Variants in PIK3R1 observed in about 807,000 individuals in gnomAD.
PIK3R1 encodes phosphoinositide-3-kinase regulatory subunit 1.
In PIK3R1, 29 loss-of-function variants were observed where a neutral mutation model predicts 98.0. That is an observed-to-expected ratio of 0.30 (90% CI 0.22 to 0.40). PIK3R1 has a LOEUF of 0.40. PIK3R1 is among the 10% of genes least tolerant of loss of function. The pLI is 1.00. For synonymous variants in PIK3R1, 282 were observed against 311.8 expected, an observed-to-expected ratio of 0.90 and a Z score of 1.01; for missense variants, 596 against 872.7, an observed-to-expected ratio of 0.68 and a Z score of 3.99.
intron 2 of PIK3R1, among the ~76,000 whole-genome samples, chr5:68,263,203 C>T (rs914328132): frequency 2.4e-5 from 3 of 125,884 alleles, no homozygotes; most frequent in South Asian, 4.9e-4. Context: ...ACATATATAT[C>T]TATATATATA....
intron 1 of PIK3R1, among the ~76,000 whole-genome samples, chr5:68,216,277 C>T (rs1313246058): frequency 6.6e-6 from 1 of 152,206 alleles, no homozygotes; most frequent in Non-Finnish European, 1.5e-5. Flanking sequence ...TCCTCCCACC[C>T]TCCGTCACCG....
chr5:68,268,290 A>G (rs1424262910), intron 2 of PIK3R1, among the ~76,000 whole-genome samples: 7 of 152,122 alleles, frequency 4.6e-5, no homozygotes, highest in Non-Finnish European at 1.0e-4. Flanking sequence ...GTGTCCCAAA[A>G]TTAAGGAAGT....
intron 2 of PIK3R1, among the ~76,000 whole-genome samples, chr5:68,236,351 G>A (rs1361355885): frequency 7.9e-5 from 12 of 152,054 alleles, no homozygotes; most frequent in African/African-American, 1.9e-4. Context: ...CTGGGTTCAC[G>A]CCATTCTCCT....
chr5:68,259,592 T>C (rs1280874249), intron 2 of PIK3R1, among the ~76,000 whole-genome samples: 3 of 152,214 alleles, frequency 2.0e-5, no homozygotes, highest in African/African-American at 7.2e-5. Flanking sequence ...CCAGATATGC[T>C]AAACATCCCA....
chr5:68,260,221 G>T (rs1745684487), intron 2 of PIK3R1, among the ~76,000 whole-genome samples: 1 of 152,098 alleles, frequency 6.6e-6, no homozygotes, highest in Non-Finnish European at 1.5e-5. Flanking sequence ...ATTTTCCAAA[G>T]AATTAAATGA....
chr5:68,245,386 G>C (rs972321039), intron 2 of PIK3R1, among the ~76,000 whole-genome samples: 1 of 152,156 alleles, frequency 6.6e-6, no homozygotes, highest in African/African-American at 2.4e-5. Flanking sequence ...AGATATATAG[G>C]AGAAAGAGTT....
At chr5:68,279,223 C>T (rs1444112682) in intron 4 of PIK3R1, among the ~76,000 whole-genome samples, 1 of 152,144 alleles carries the variant, frequency 6.6e-6, no homozygotes, top group Non-Finnish European at 1.5e-5. Flanking sequence ...GGAGTTTGGG[C>T]TTAGAGGGGT....
intron 1 of PIK3R1, among the ~76,000 whole-genome samples, chr5:68,222,145 G>A (rs1283728700): frequency 1.3e-5 from 2 of 152,132 alleles, no homozygotes; most frequent in East Asian, 3.8e-4. Context: ...AGTTTAGTGG[G>A]CAGGTATATG....
At chr5:68,271,494 A>G (rs1746358236) in intron 2 of PIK3R1, among the ~76,000 whole-genome samples, 1 of 152,338 alleles carries the variant, frequency 6.6e-6, no homozygotes, top group East Asian at 1.9e-4. Flanking sequence ...TGCCATTGAC[A>G]AAATTTGCCC....
chr5:68,271,378 G>T (rs1340702277), intron 2 of PIK3R1, among the ~76,000 whole-genome samples: 1 of 152,108 alleles, frequency 6.6e-6, no homozygotes, highest in South Asian at 2.1e-4. Flanking sequence ...AACATTGCAG[G>T]GCTTTGAGTT....
chr5:68,285,695 A>AG (rs1207643480), intron 7 of PIK3R1, among the ~76,000 whole-genome samples: 1 of 152,158 alleles, frequency 6.6e-6, no homozygotes, highest in Non-Finnish European at 1.5e-5. Flanking sequence ...GGAGAATTGC[A>AG]GGGGGGACTA....
intron 7 of PIK3R1, among the ~76,000 whole-genome samples, chr5:68,281,457 A>G (rs1447516265): frequency 6.6e-6 from 1 of 152,272 alleles, no homozygotes; most frequent in Non-Finnish European, 1.5e-5. Context: ...TAATGCAAGC[A>G]GTATGAAACC....
intron 2 of PIK3R1, among the ~76,000 whole-genome samples, chr5:68,245,285 A>G (rs1457522297): frequency 6.6e-6 from 1 of 152,150 alleles, no homozygotes; most frequent in African/African-American, 2.4e-5. Context: ...TACGTCTTGG[A>G]AAGTTTAAGA....
At chr5:68,262,705 G>GTATCTGCATGTATACACATGTAGATA (rs1561278371) in intron 2 of PIK3R1, among the ~76,000 whole-genome samples, 463 of 23,858 alleles carry the variant, frequency 0.019, 50 homozygotes, top group Non-Finnish European at 0.029. Context: ...ACATGTAGAT[G>GTATCTGCATGTATACACATGTAGATA]CATGTAGATG....
At chr5:68,285,839 C>G (rs1481762360) in intron 7 of PIK3R1, among the ~76,000 whole-genome samples, 4 of 152,068 alleles carry the variant, frequency 2.6e-5, no homozygotes, top group Non-Finnish European at 5.9e-5. Flanking sequence ...CAGTTAAGAC[C>G]AGTGGATATG....
At chr5:68,237,602 A>G (rs1302698452) in intron 2 of PIK3R1, among the ~76,000 whole-genome samples, 1 of 152,174 alleles carries the variant, frequency 6.6e-6, no homozygotes, top group Non-Finnish European at 1.5e-5. Flanking sequence ...ATTGAAAAAA[A>G]AAAAAAAAAC....
Position 68,300,203 on chromosome 5 carries a change from T to C in PIK3R1, c.*2602T>C, listed in dbSNP as rs188842732. 4.3e-6 allele frequency: 1 copy of C among 233,246 alleles called. No homozygotes were observed. Among genetic ancestry groups the C allele is most frequent in the East Asian group, 6.0e-5 (1 of 16,576 alleles). 14.4% of individuals were successfully genotyped at this position (233,246 alleles called of 1,614,324 possible). A position where few individuals can be genotyped will look rare whatever the true frequency, so the allele number is the denominator to read the frequency against. On this transcript the variant is annotated 3_prime_UTR_variant, in exon 16 of 16. Coordinates refer to ENST00000521381, the MANE Select transcript of PIK3R1 (RefSeq NM_181523.3). ...ACAAACATAAGTGCAATAGATCTTT[T>C]CATTGAACAGCAAAGTAGGATTCAT...
At chr5:68,292,115 T>G in intron 7 of PIK3R1, 144 bp from the exon 8 acceptor site, 1 of 482,676 alleles carries the variant, frequency 2.1e-6, no homozygotes, top group Non-Finnish European at 3.7e-6. Flanking sequence ...AAAATTATCT[T>G]CCATATTGCA....
chr5:68,263,583 T>C (rs923080244), intron 2 of PIK3R1, among the ~76,000 whole-genome samples: 1 of 152,176 alleles, frequency 6.6e-6, no homozygotes, highest in African/African-American at 2.4e-5. Context: ...TTGTCTGAAG[T>C]AGTGAAAGTA....
Sources: allele counts gnomAD v4.1 joint callset (sites outside exome capture counted in the v4.1 genomes callset), GRCh38; gene constraint gnomAD v4.1.1; transcripts MANE v1.5; gene names NCBI Gene and HGNC (gene_info 2026-07-23, HGNC 2026-07-21).